Variants in CYTH1 observed in about 807,000 individuals in gnomAD.
The protein encoded by CYTH1 is cytohesin-1.
In CYTH1, 18 loss-of-function variants were observed where a neutral mutation model predicts 61.8. The observed-to-expected ratio is 0.29, with a 90% CI of 0.20 to 0.43. CYTH1 has a LOEUF of 0.43. CYTH1 is among the 20% of genes least tolerant of loss of function. The pLI is 1.00. For missense variants in CYTH1, 336 were observed against 510.5 expected (o/e 0.66, Z 3.29); for synonymous variants, 174 against 184.3 (o/e 0.94, Z 0.45).
intron 1 of CYTH1, among the ~76,000 whole-genome samples, chr17:78,770,855 C>T (rs1019475085): frequency 7.2e-5 from 11 of 152,216 alleles, no homozygotes; most frequent in East Asian, 1.9e-4. Flanking sequence ...TGGCCAAGTG[C>T]GGGAGCTCAT....
At chr17:78,708,374 C>T in intron 2 of CYTH1, 113 bp from the exon 3 acceptor site, 2 of 959,774 alleles carry the variant, frequency 2.1e-6, no homozygotes, top group Non-Finnish European at 3.1e-6. Flanking sequence ...CAAAATGAAA[C>T]AAAATATGAC....
intron 1 of CYTH1, among the ~76,000 whole-genome samples, chr17:78,750,167 GATGC>G (rs2093374419): frequency 6.6e-6 from 1 of 152,170 alleles, no homozygotes; most frequent in South Asian, 2.1e-4. Context: ...CAGCAGCAGA[GATGC>G]AGAAAAACAG....
chr17:78,755,490 T>TAAAAA (rs1598911765), intron 1 of CYTH1, among the ~76,000 whole-genome samples: 1 of 2,514 alleles, frequency 4.0e-4, no homozygotes, highest in Non-Finnish European at 6.4e-4. Context: ...GTGGGTTTAT[T>TAAAAA]TAAAAAAAAA....
intron 1 of CYTH1, among the ~76,000 whole-genome samples, chr17:78,720,452 AGGACTACAGGTG>A (rs2093218444): frequency 6.6e-6 from 1 of 152,142 alleles, no homozygotes; most frequent in South Asian, 2.1e-4. Flanking sequence ...CCCAATAGAT[AGGACTACAGGTG>A]CCTGCCACCA....
Position 78,739,276 on chromosome 17 carries a change from T to G in CYTH1, c.23-29544A>C, listed in dbSNP as rs74001222. On this transcript the variant is annotated intron_variant, in intron 1 of 13. Transcript: ENST00000446868. Reference sequence around the variant, plus strand: ...TTTGTCTTATCTGTTTCGTTCAACATTCACTGAGCACATTAAGTGCCAGCC... The same window carrying G: ...TTTGTCTTATCTGTTTCGTTCAACAGTCACTGAGCACATTAAGTGCCAGCC... Among the ~76,000 whole-genome samples the G allele has an allele frequency of 4.2e-3, 642 of 152,364 alleles. 6 individuals are homozygous for G. The highest frequency in any genetic ancestry group is 0.015 in the African/African-American group (604 of 41,594).
intron 1 of CYTH1, among the ~76,000 whole-genome samples, chr17:78,762,727 T>C (rs1223747246): frequency 6.6e-6 from 1 of 151,994 alleles, no homozygotes; most frequent in Admixed American, 6.6e-5. Flanking sequence ...AGTGTCAGAG[T>C]GATGAGAGGT....
chr17:78,728,965 T>A (rs914507243), intron 1 of CYTH1, among the ~76,000 whole-genome samples: 1 of 152,220 alleles, frequency 6.6e-6, no homozygotes, highest in Non-Finnish European at 1.5e-5. Context: ...AGTATAGTCA[T>A]AATATTGGTG....
chr17:78,751,263 G>A (rs34049362), intron 1 of CYTH1, among the ~76,000 whole-genome samples: 8,098 of 152,180 alleles, frequency 0.053, 393 homozygotes, highest in South Asian at 0.15. Context: ...ACAGATGTGA[G>A]CCACCATGCC....
At chr17:78,745,825 G>A (rs1398101371) in intron 1 of CYTH1, among the ~76,000 whole-genome samples, 1 of 152,166 alleles carries the variant, frequency 6.6e-6, no homozygotes, top group Admixed American at 6.5e-5. Flanking sequence ...CCAGGAGGCA[G>A]AGGTTGCAGT....
intron 11 of CYTH1, among the ~76,000 whole-genome samples, chr17:78,682,859 G>A (rs2092777503): frequency 6.6e-6 from 1 of 152,204 alleles, no homozygotes; most frequent in Non-Finnish European, 1.5e-5. Context: ...CAGTCATCAT[G>A]CAGGGTATTC....
intron 1 of CYTH1, among the ~76,000 whole-genome samples, chr17:78,740,671 A>G (rs2093338669): frequency 1.3e-5 from 2 of 152,232 alleles, no homozygotes; most frequent in Admixed American, 1.3e-4. Flanking sequence ...CTGCATCACC[A>G]AATTGTATGT....
intron 1 of CYTH1, among the ~76,000 whole-genome samples, chr17:78,753,277 T>C (rs1305894410): frequency 6.6e-6 from 1 of 151,952 alleles, no homozygotes; most frequent in African/African-American, 2.4e-5. Flanking sequence ...CTGGGCAATA[T>C]AGTGAGACCC....
At chr17:78,743,491 C>T (rs1256395445) in intron 1 of CYTH1, among the ~76,000 whole-genome samples, 1 of 152,168 alleles carries the variant, frequency 6.6e-6, no homozygotes, top group Non-Finnish European at 1.5e-5. Context: ...AAAGGAAATG[C>T]TCACTGGAGC....
intron 1 of CYTH1, among the ~76,000 whole-genome samples, chr17:78,719,324 T>C (rs566223284): frequency 6.6e-6 from 1 of 152,118 alleles, no homozygotes; most frequent in African/African-American, 2.4e-5. Flanking sequence ...TTGGGGAACA[T>C]ACAAATGACC....
At chr17:78,691,119 G>A (rs1283449755) in intron 11 of CYTH1, 3 of 152,218 alleles carry the variant, frequency 2.0e-5, no homozygotes, top group African/African-American at 7.2e-5. Context: ...CATATGAAAA[G>A]ACTATAACAA....
rs529313309 is a variant in CYTH1 at position 78,695,989 on chromosome 17, A to G, written c.814+18T>C. ...CAGTGGCCTAGCAGAGCGAGCGAGC[A>G]GGCTGAGGGTTACATACCTCCTGGA... On this transcript the variant is annotated intron_variant, in intron 10 of 13. Coordinates refer to ENST00000446868, the MANE Select transcript of CYTH1 (RefSeq NM_004762.6). 1 of 1,367,892 alleles carries G rather than the reference A, an allele frequency of 7.3e-7. No homozygotes were observed. The highest frequency in any genetic ancestry group is 1.5e-5 in the African/African-American group (1 of 67,876). 84.7% of individuals were successfully genotyped at this position (1,367,892 alleles called of 1,614,324 possible).
chr17:78,681,004 C>T lies in CYTH1; in HGVS notation c.930G>A (p.Leu310=), dbSNP rs2092755814. 1 of 1,614,122 alleles carries T rather than the reference C, an allele frequency of 6.2e-7. No individual in the cohort carries two copies. The highest frequency in any genetic ancestry group is 1.3e-5 in the African/African-American group (1 of 75,038). ...EPRGIIPLEN[L]SIREVEDSKK... ...TGGAGTCCTCCACTTCCCGGATACTCAGATTCTCTAAAGGGATGATTCCAC... is the reference window on the plus strand; with the variant it reads ...TGGAGTCCTCCACTTCCCGGATACTTAGATTCTCTAAAGGGATGATTCCAC... The change falls in exon 12 of 14, where the codon CTG becomes CTA. Residue 310 remains leucine, a synonymous_variant. Coordinates refer to ENST00000446868, the MANE Select transcript of CYTH1 (RefSeq NM_004762.6).
intron 10 of CYTH1, among the ~76,000 whole-genome samples, chr17:78,694,762 G>A (rs2092922180): frequency 6.6e-6 from 1 of 152,170 alleles, no homozygotes. Context: ...AGAAATCAAG[G>A]AGAAAAAGCA....
At chr17:78,733,791 G>T (rs1252944990) in intron 1 of CYTH1, among the ~76,000 whole-genome samples, 1 of 152,268 alleles carries the variant, frequency 6.6e-6, no homozygotes, top group Admixed American at 6.5e-5. Flanking sequence ...GTGTATGGAA[G>T]TGACAGAGGC....
Sources: allele counts gnomAD v4.1 joint callset (sites outside exome capture counted in the v4.1 genomes callset), GRCh38; gene constraint gnomAD v4.1.1; transcripts MANE v1.5; gene names NCBI Gene and HGNC (gene_info 2026-07-23, HGNC 2026-07-21).